Variants in PCDHGA8 observed in about 807,000 individuals in gnomAD.
The protein encoded by PCDHGA8 is protocadherin gamma subfamily A, 8, also known as protocadherin gamma-A8.
PCDHGA8 carries 45 observed loss-of-function variants against 59.2 expected under a neutral mutation model. The ratio of observed to expected loss-of-function variants is 0.76; its 90% confidence interval spans 0.60 to 0.98. The LOEUF is 0.98. PCDHGA8 is among the 50% of genes least tolerant of loss of function. The probability of loss-of-function intolerance (pLI) is 0.00; values close to 1 mark genes in which losing one functional copy is unlikely to be tolerated. For missense variants in PCDHGA8, 1,257 were observed against 1,196.2 expected, an observed-to-expected ratio of 1.05 and a Z score of -0.75; for synonymous variants, 531 against 519.0, an observed-to-expected ratio of 1.02 and a Z score of -0.32.
chr5:141,395,657 T>C (rs1400217115), intron 1 of PCDHGA8: 1 of 162,996 alleles, frequency 6.1e-6, no homozygotes, highest in African/African-American at 2.4e-5. Context: ...TTAGCAAAAG[T>C]AAAATATATC....
rs1418195492 is a variant in PCDHGA8 at position 141,431,459 on chromosome 5, G to T, written c.2424+36222G>T. 4 of 1,613,692 alleles carry T rather than the reference G, an allele frequency of 2.5e-6. No homozygotes were observed. The highest frequency in any genetic ancestry group is 3.4e-6 in the Non-Finnish European group (4 of 1,179,994). Reference sequence around the variant, plus strand: ...CGCGCGCATCCGCGTGATGGTTCTGGATGCGAACGACAACGCACCAGCGTT... The same window carrying T: ...CGCGCGCATCCGCGTGATGGTTCTGTATGCGAACGACAACGCACCAGCGTT... On this transcript the variant is annotated intron_variant, in intron 1 of 3. Transcript: ENST00000398604. This position sits in a 1 kb window ranked among gnomAD's most constrained non-coding sequence, Gnocchi z 4.8.
chr5:141,454,010 G>A (rs998092071), intron 1 of PCDHGA8, among the ~76,000 whole-genome samples: 2 of 152,146 alleles, frequency 1.3e-5, no homozygotes, highest in African/African-American at 4.8e-5. Context: ...TAACATTTTA[G>A]AAAAATGTAT....
intron 1 of PCDHGA8, among the ~76,000 whole-genome samples, chr5:141,470,854 A>G (rs553276517): frequency 6.6e-6 from 1 of 152,028 alleles, no homozygotes; most frequent in Admixed American, 6.6e-5. Context: ...TGCTCAGATA[A>G]GTTTTTTGTT....
Position 141,485,966 on chromosome 5 carries a change from A to T in PCDHGA8, c.2425-8841A>T. ...AGCGGGCATGGTGCTCATCCAGCTC[A>T]ATGCCTCAGACCCGGACCTGGGTCC... On this transcript the variant is annotated intron_variant, in intron 1 of 3. Coordinates refer to ENST00000398604, the MANE Select transcript of PCDHGA8 (RefSeq NM_032088.2). The surrounding 1 kb of genome is among the most constrained non-coding windows in gnomAD (Gnocchi z 5.7). 1 of 1,614,168 alleles carries T rather than the reference A, an allele frequency of 6.2e-7. No individual in the cohort carries two copies. Among genetic ancestry groups the T allele is most frequent in the Non-Finnish European group, 8.5e-7 (1 of 1,179,988 alleles).
At position 141,395,210 on chromosome 5, in the gene PCDHGA8, A is replaced by T. The variant is rs200048432; in HGVS notation, c.2397A>T (p.Glu799Asp). ...TGTTAACATCCGTAGATTTTCATGA[A>T]TATAAGAATGAAGCTGATCATGGTC... Reference protein sequence around the residue: ...DSLLTSVDFHEYKNEADHGQQ... With the variant: ...DSLLTSVDFHDYKNEADHGQQ... Residue 799 changes from glutamate (E) to aspartate (D), a missense_variant, in exon 1 of 4, where the codon GAA becomes GAT. Transcript: ENST00000398604. The T allele has an allele frequency of 1.9e-6, 3 of 1,613,418 alleles. No homozygotes were observed. The highest frequency in any genetic ancestry group is 2.5e-6 in the Non-Finnish European group (3 of 1,179,570).
At position 141,485,681 on chromosome 5, in the gene PCDHGA8, T is replaced by A; in HGVS notation, c.2425-9126T>A. The A allele has an allele frequency of 6.2e-7, 1 of 1,614,074 alleles. No homozygotes were observed. The highest frequency in any genetic ancestry group is 8.5e-7 in the Non-Finnish European group (1 of 1,179,966). ...TGTGGGGAGCAATTCGATTAGCAGC[T>A]ATAGGCTGAGCTCCAATGAACACTT... On this transcript the variant is annotated intron_variant, in intron 1 of 3. Transcript: ENST00000398604. The surrounding 1 kb of genome is among the most constrained non-coding windows in gnomAD (Gnocchi z 5.7).
At chr5:141,398,521 A>C in intron 1 of PCDHGA8, 1 of 1,613,690 alleles carries the variant, frequency 6.2e-7, no homozygotes, top group Non-Finnish European at 8.5e-7. Context: ...CCACACGCCA[A>C]AATTCACGCA....
At position 141,485,129 on chromosome 5, in the gene PCDHGA8, T is replaced by G. The variant is rs761201450; in HGVS notation, c.2425-9678T>G. 2.1e-6 allele frequency: 3 copies of G among 1,462,964 alleles called. No individual in the cohort carries two copies. Among genetic ancestry groups the G allele is most frequent in the Non-Finnish European group, 2.8e-6 (3 of 1,053,766 alleles). 90.6% of individuals were successfully genotyped at this position (1,462,964 alleles called of 1,614,324 possible). A position where few individuals can be genotyped will look rare whatever the true frequency, so the allele number is the denominator to read the frequency against. On this transcript the variant is annotated intron_variant, in intron 1 of 3. Coordinates refer to ENST00000398604, the MANE Select transcript of PCDHGA8 (RefSeq NM_032088.2). The surrounding 1 kb of genome is among the most constrained non-coding windows in gnomAD (Gnocchi z 5.7). ...TGTGGCTGTTTGGGGCGGGTCGGCT[T>G]CATCCGCGTCTCAGGAGCAAGTAGA...
intron 1 of PCDHGA8, chr5:141,408,193 C>T (rs1280310689): frequency 6.5e-7 from 1 of 1,545,210 alleles, no homozygotes; most frequent in Non-Finnish European, 8.7e-7. Flanking sequence ...AGCGAGAACC[C>T]GAGCGAACGA....
chr5:141,499,268 G>C (rs564234341), intron 2 of PCDHGA8, among the ~76,000 whole-genome samples: 1 of 152,224 alleles, frequency 6.6e-6, no homozygotes, highest in South Asian at 2.1e-4. Flanking sequence ...TTGGTCCCTA[G>C]ACTGTTCTCT....
At position 141,410,774 on chromosome 5, in the gene PCDHGA8, C is replaced by T; in HGVS notation, c.2424+15537C>T. 4 of 955,126 alleles carry T rather than the reference C, an allele frequency of 4.2e-6. No individual in the cohort carries two copies. The South Asian group carries it at 6.1e-5, about 15-fold the overall frequency. The allele number at this position is 955,126 out of a possible 1,614,324, so 59.2% of individuals were successfully genotyped here. ...AATGTTTTTTCAATTATAGTTTTCA[C>T]TATGTATTTGGTTCATAAGTTGCTC... On this transcript the variant is annotated intron_variant, in intron 1 of 3. Coordinates refer to ENST00000398604, the MANE Select transcript of PCDHGA8 (RefSeq NM_032088.2).
intron 1 of PCDHGA8, among the ~76,000 whole-genome samples, chr5:141,430,204 AATT>A (rs1179966513): frequency 6.6e-6 from 1 of 151,962 alleles, no homozygotes; most frequent in African/African-American, 2.4e-5. Context: ...AGAAAGTTTA[AATT>A]ATTATATTAT....
intron 1 of PCDHGA8, among the ~76,000 whole-genome samples, chr5:141,437,490 A>C (rs549866784): frequency 6.6e-6 from 1 of 152,190 alleles, no homozygotes; most frequent in African/African-American, 2.4e-5. Flanking sequence ...AATCTCGTAG[A>C]TCACTTTTCA....
chr5:141,414,715 G>A, intron 1 of PCDHGA8: 1 of 1,614,128 alleles, frequency 6.2e-7, no homozygotes. Context: ...CATCAACTCA[G>A]ACACTGGCGT....
chr5:141,414,540 C>G, intron 1 of PCDHGA8: 1 of 1,613,948 alleles, frequency 6.2e-7, no homozygotes. Flanking sequence ...ACCCACCTAC[C>G]TTCTCTCAAG....
chr5:141,476,661 T>G lies in PCDHGA8; in HGVS notation c.2425-18146T>G. 1.2e-6 allele frequency: 2 copies of G among 1,614,076 alleles called. No individual in the cohort carries two copies. The highest frequency in any genetic ancestry group is 1.7e-6 in the Non-Finnish European group (2 of 1,179,938). On this transcript the variant is annotated intron_variant, in intron 1 of 3. Coordinates refer to ENST00000398604, the MANE Select transcript of PCDHGA8 (RefSeq NM_032088.2). The surrounding 1 kb of genome is among the most constrained non-coding windows in gnomAD (Gnocchi z 7.6). Reference sequence around the variant, plus strand: ...CTGAGCCGAAATGAATACTTTGCGCTTCGCGTGCAGACGCGGGAGGACAGC... The same window carrying G: ...CTGAGCCGAAATGAATACTTTGCGCGTCGCGTGCAGACGCGGGAGGACAGC...
rs150878327 is a variant in PCDHGA8 at position 141,438,347 on chromosome 5, C to A, written c.2424+43110C>A. On this transcript the variant is annotated intron_variant, in intron 1 of 3. Coordinates refer to ENST00000398604, the MANE Select transcript of PCDHGA8 (RefSeq NM_032088.2). ...CTTATACATGTCATATAAGGATCTACTCTGTGTATTGTCATTGAGGGCAGA... is the reference window on the plus strand; with the variant it reads ...CTTATACATGTCATATAAGGATCTAATCTGTGTATTGTCATTGAGGGCAGA... Among the ~76,000 whole-genome samples the A allele has an allele frequency of 3.9e-3, 588 of 151,848 alleles. 6 individuals are homozygous for A. Among genetic ancestry groups the A allele is most frequent in the Admixed American group, 0.011 (169 of 15,256 alleles).
At chr5:141,466,058 C>T (rs970494567) in intron 1 of PCDHGA8, among the ~76,000 whole-genome samples, 2 of 152,046 alleles carry the variant, frequency 1.3e-5, no homozygotes, top group African/African-American at 4.8e-5. Flanking sequence ...GGAGACGGAG[C>T]TTGCAGTGAG....
Position 141,489,557 on chromosome 5 carries a change from T to C in PCDHGA8, c.2425-5250T>C, listed in dbSNP as rs150797955. 54 of 1,613,956 alleles carry C rather than the reference T, an allele frequency of 3.3e-5. 1 individual carries two copies. Among genetic ancestry groups the C allele is most frequent in the Non-Finnish European group, 4.3e-5 (51 of 1,180,004 alleles). On this transcript the variant is annotated intron_variant, in intron 1 of 3. Coordinates refer to ENST00000398604, the MANE Select transcript of PCDHGA8 (RefSeq NM_032088.2). The surrounding 1 kb of genome is among the most constrained non-coding windows in gnomAD (Gnocchi z 4.5). ...GCCAGCACCAGCTGCCTGCTGCCAG[T>C]GCAGGTGGTGACTGAACACCCCCTG...
Sources: allele counts gnomAD v4.1 joint callset (sites outside exome capture counted in the v4.1 genomes callset), GRCh38; gene constraint gnomAD v4.1.1; non-coding constraint Gnocchi (gnomAD v3.1); transcripts MANE v1.5; gene names NCBI Gene and HGNC (gene_info 2026-07-23, HGNC 2026-07-21).